SORCS3: variants seen among roughly 807,000 people sequenced by gnomAD.
SORCS3 encodes VPS10 domain-containing receptor SorCS3.
SORCS3 carries 57 observed loss-of-function variants against 146.3 expected under a neutral mutation model. The observed-to-expected ratio is 0.39, with a 90% CI of 0.31 to 0.49. The LOEUF is 0.49. SORCS3 is among the 20% of genes least tolerant of loss of function. SORCS3 has a pLI of 0.92. For synonymous variants in SORCS3, 653 were observed against 618.5 expected (o/e 1.06, Z -0.83); for missense variants, 1,341 against 1,575.5 (o/e 0.85, Z 2.52).
chr10:104,663,986 G>C (rs2015735498), intron 1 of SORCS3, among the ~76,000 whole-genome samples: 1 of 152,160 alleles, frequency 6.6e-6, no homozygotes, highest in South Asian at 2.1e-4. Context: ...CATGGACAAG[G>C]AGAATGACAG....
At chr10:104,845,043 G>A (rs1051353677) in intron 2 of SORCS3, among the ~76,000 whole-genome samples, 1 of 152,050 alleles carries the variant, frequency 6.6e-6, no homozygotes, top group Non-Finnish European at 1.5e-5. Flanking sequence ...TTCCTCCAAC[G>A]TACCAACCAC....
At chr10:105,085,589 TATAA>T (rs1564750150) in intron 5 of SORCS3, among the ~76,000 whole-genome samples, 1 of 152,194 alleles carries the variant, frequency 6.6e-6, no homozygotes, top group Admixed American at 6.5e-5. Context: ...TGCATATATT[TATAA>T]AAATCATTCT....
intron 7 of SORCS3, among the ~76,000 whole-genome samples, chr10:105,129,101 T>C (rs2055997068): frequency 6.6e-6 from 1 of 152,176 alleles, no homozygotes; most frequent in Non-Finnish European, 1.5e-5. Flanking sequence ...TTTTCTGAAG[T>C]ACTGGGATAC....
At chr10:105,224,498 A>C (rs1429062283) in intron 20 of SORCS3, among the ~76,000 whole-genome samples, 1 of 152,204 alleles carries the variant, frequency 6.6e-6, no homozygotes, top group Admixed American at 6.5e-5. Flanking sequence ...ATTGAAGAGC[A>C]TACTGGTTGC....
chr10:105,056,508 A>C (rs758361637), intron 5 of SORCS3, among the ~76,000 whole-genome samples: 1 of 152,224 alleles, frequency 6.6e-6, no homozygotes, highest in African/African-American at 2.4e-5. Flanking sequence ...GGACTTGTCT[A>C]TCTTGGTAAT....
At chr10:105,047,956 G>A (rs905964875) in intron 5 of SORCS3, among the ~76,000 whole-genome samples, 1 of 152,102 alleles carries the variant, frequency 6.6e-6, no homozygotes, top group Non-Finnish European at 1.5e-5. Context: ...CTGGCCATCA[G>A]AGAAATGCAA....
chr10:104,917,091 TGATA>T, intron 3 of SORCS3, among the ~76,000 whole-genome samples: 1 of 152,294 alleles, frequency 6.6e-6, no homozygotes. Flanking sequence ...TCAGCATTGG[TGATA>T]GATAGCCAAA....
In SORCS3 at chr10:105,256,839, G is replaced by A; in HGVS notation, c.3358G>A (p.Ala1120Thr). The change falls in exon 25 of 27, where the codon GCT becomes ACT. Residue 1120 changes from alanine to threonine, a missense_variant. Coordinates refer to ENST00000369701, the MANE Select transcript of SORCS3 (RefSeq NM_014978.3). ...LTLAPLVDSS[A>T]GHSSSAMLML... is the part of the protein sequence containing the mutation. ...CCAAGCTCCATTGGTGGACTCCAGTGCTGGGCACAGCAGCTCAGCCATGCT... is the reference window on the plus strand; with the variant it reads ...CCAAGCTCCATTGGTGGACTCCAGTACTGGGCACAGCAGCTCAGCCATGCT... 6.2e-7 allele frequency: 1 copy of A among 1,614,136 alleles called. No individual in the cohort carries two copies. Among genetic ancestry groups the A allele is most frequent in the Non-Finnish European group, 8.5e-7 (1 of 1,179,976 alleles).
At chr10:104,828,996 A>G (rs966438283) in intron 1 of SORCS3, among the ~76,000 whole-genome samples, 14 of 152,146 alleles carry the variant, frequency 9.2e-5, no homozygotes, top group Non-Finnish European at 5.9e-5. Flanking sequence ...AACTTTTTCC[A>G]TCTCTTATGA....
At chr10:105,103,547 A>T (rs561376402) in intron 6 of SORCS3, among the ~76,000 whole-genome samples, 10 of 152,200 alleles carry the variant, frequency 6.6e-5, no homozygotes, top group Non-Finnish European at 1.2e-4. Context: ...ATGACAAGAA[A>T]GTGTCCCAGG....
At chr10:104,936,185 A>T (rs2019258046) in intron 3 of SORCS3, among the ~76,000 whole-genome samples, 1 of 152,206 alleles carries the variant, frequency 6.6e-6, no homozygotes, top group African/African-American at 2.4e-5. Context: ...ATGATTAAAG[A>T]TTATGTGTAT....
Position 104,830,544 on chromosome 10 carries a change from A to G in SORCS3, c.628-12248A>G, listed in dbSNP as rs1418132258. 2.6e-5 allele frequency among the ~76,000 whole-genome samples: 4 copies of G among 152,282 alleles called. No homozygotes were observed. In the East Asian group the frequency reaches 7.7e-4, roughly 29 times the overall value. ...CCTCTGTTGCTGCTGATGTGTTGTC[A>G]CATCAGAAGCCAGATATGTGGAGAG... On this transcript the variant is annotated intron_variant, in intron 1 of 26. Transcript: ENST00000369701.
chr10:105,044,381 T>G (rs554063629), intron 5 of SORCS3, among the ~76,000 whole-genome samples: 2 of 152,180 alleles, frequency 1.3e-5, no homozygotes, highest in East Asian at 3.9e-4. Flanking sequence ...GTACTCTAGC[T>G]TGGGTGACAG....
At chr10:104,653,528 T>C (rs2015587853) in intron 1 of SORCS3, among the ~76,000 whole-genome samples, 1 of 152,178 alleles carries the variant, frequency 6.6e-6, no homozygotes, top group African/African-American at 2.4e-5. Context: ...CATGGGAATG[T>C]CTTGGTTTAT....
chr10:104,689,435 T>A (rs1290182936), intron 1 of SORCS3, among the ~76,000 whole-genome samples: 1 of 152,246 alleles, frequency 6.6e-6, no homozygotes, highest in East Asian at 1.9e-4. Context: ...TGTCTCTTCA[T>A]GTAGACTGGA....
At chr10:105,133,281 T>A (rs1266629193) in intron 7 of SORCS3, among the ~76,000 whole-genome samples, 1 of 152,208 alleles carries the variant, frequency 6.6e-6, no homozygotes, top group Non-Finnish European at 1.5e-5. Flanking sequence ...AATGGAGGAA[T>A]CCAAACTCAA....
chr10:104,671,325 CTTTTTTTTT>C lies in SORCS3; in HGVS notation c.627+29390_627+29398del, dbSNP rs771029154. Among the ~76,000 whole-genome samples the C allele has an allele frequency of 1.3e-3, 25 of 19,200 alleles. No individual in the cohort carries two copies. In the South Asian group the frequency reaches 0.023, roughly 18 times the overall value. The allele number at this position is 19,200 out of a possible 152,430, so 12.6% of individuals were successfully genotyped here. A position where few individuals can be genotyped will look rare whatever the true frequency, so the allele number is the denominator to read the frequency against. On this transcript the variant is annotated intron_variant, in intron 1 of 26. Coordinates refer to ENST00000369701, the MANE Select transcript of SORCS3 (RefSeq NM_014978.3). ...ATGTTAAGGTAGTTTCATTCTTTTC[CTTTTTTTTT>C]TTTTTTTTTTTTTTTTTTGCGACAG... is the stretch of plus-strand genomic sequence containing the variant.
In SORCS3 at chr10:105,264,202, A is replaced by T. The variant is rs1161728735; in HGVS notation, c.*828A>T. ...ATAAAGGAAGGACTCTAGTGACATC[A>T]TAGAACATGGCAGTCGTTTTTGTTC... On this transcript the variant is annotated 3_prime_UTR_variant, in exon 27 of 27. Coordinates refer to ENST00000369701, the MANE Select transcript of SORCS3 (RefSeq NM_014978.3). The T allele has an allele frequency of 6.6e-6, 1 of 152,094 alleles. No homozygotes were observed. The highest frequency in any genetic ancestry group is 2.4e-5 in the African/African-American group (1 of 41,420). The allele number at this position is 152,094 out of a possible 1,614,324, so 9.4% of individuals were successfully genotyped here. A position where few individuals can be genotyped will look rare whatever the true frequency, so the allele number is the denominator to read the frequency against.
chr10:105,072,129 C>T (rs2055560150), intron 5 of SORCS3, among the ~76,000 whole-genome samples: 1 of 152,026 alleles, frequency 6.6e-6, no homozygotes, highest in South Asian at 2.1e-4. Flanking sequence ...TGCTGGGTTG[C>T]AATTCAAATT....
Sources: allele counts gnomAD v4.1 joint callset (sites outside exome capture counted in the v4.1 genomes callset), GRCh38; gene constraint gnomAD v4.1.1; transcripts MANE v1.5; gene names NCBI Gene and HGNC (gene_info 2026-07-23, HGNC 2026-07-21).